Variants in HMX1 observed in about 807,000 individuals in gnomAD.
HMX1 encodes the protein homeobox protein HMX1.
HMX1 carries 8 observed loss-of-function variants against 8.9 expected under a neutral mutation model. That is an observed-to-expected ratio of 0.90 (90% CI 0.53 to 1.63). The LOEUF (loss-of-function observed/expected upper bound fraction) is 1.63, where lower values mean the gene tolerates loss of function less well. Among genes scored for constraint, HMX1 ranks in the 40% most tolerant of loss-of-function variants. The probability of loss-of-function intolerance (pLI) is 0.00; values close to 1 mark genes in which losing one functional copy is unlikely to be tolerated. For missense variants in HMX1, 621 were observed against 558.5 expected, an observed-to-expected ratio of 1.11 and a Z score of -1.13; for synonymous variants, 311 against 283.4, an observed-to-expected ratio of 1.10 and a Z score of -0.98.
In HMX1 at chr4:8,868,080, G is replaced by A. The variant is rs1722079264; in HGVS notation, c.660C>T (p.Ser220=). The change falls in exon 2 of 2, where the codon TCC becomes TCT. Residue 220 remains serine, a synonymous_variant. Transcript: ENST00000400677. The surrounding 1 kb of genome is among the most constrained non-coding windows in gnomAD (Gnocchi z 4.6). ...FSRSQVFQLE[S]TFDLKRYLSS... The stretch of plus-strand genomic sequence containing the variant: ...TCAGGTAGCGCTTCAGGTCGAAGGT[G>A]GATTCCAGCTGGAAGACCTGGCTGC... 6.5e-7 allele frequency: 1 copy of A among 1,531,162 alleles called. No individual in the cohort carries two copies. The highest frequency in any genetic ancestry group is 8.8e-7 in the Non-Finnish European group (1 of 1,141,856). The allele number at this position is 1,531,162 out of a possible 1,614,324, so 94.8% of individuals were successfully genotyped here. A position where few individuals can be genotyped will look rare whatever the true frequency, so the allele number is the denominator to read the frequency against.
At position 8,871,416 on chromosome 4, in the gene HMX1, G is replaced by A. The variant is rs1722216278; in HGVS notation, c.199C>T (p.Arg67Trp). 4 of 1,297,570 alleles carry A rather than the reference G, an allele frequency of 3.1e-6. No individual in the cohort carries two copies. The highest frequency in any genetic ancestry group is 4.0e-6 in the Non-Finnish European group (4 of 1,011,870). 80.4% of individuals were successfully genotyped at this position (1,297,570 alleles called of 1,614,324 possible). A position where few individuals can be genotyped will look rare whatever the true frequency, so the allele number is the denominator to read the frequency against. ...GTGCCCGCGAGCAACTGTCGCCGCC[G>A]CTGTAGCCGTCGCCGCCGCGCCTGC... is the stretch of plus-strand genomic sequence containing the variant. Reference protein sequence around the residue: ...AEQARRRRLQRRRQLLAGTGP... With the variant: ...AEQARRRRLQWRRQLLAGTGP... Residue 67 changes from arginine to tryptophan, a missense_variant, in exon 1 of 2, where the codon CGG (arginine) becomes TGG (tryptophan). Coordinates refer to ENST00000400677, the MANE Select transcript of HMX1 (RefSeq NM_018942.3). The surrounding 1 kb of genome is among the most constrained non-coding windows in gnomAD (Gnocchi z 4.8).
chr4:8,849,053 C>G lies in HMX1; in HGVS notation c.395-2729G>C, dbSNP rs748907568. Among the ~76,000 whole-genome samples, 2 of 152,106 alleles carry G rather than the reference C, an allele frequency of 1.3e-5. No homozygotes were observed. Among genetic ancestry groups the G allele is most frequent in the East Asian group, 2.0e-4 (1 of 5,124 alleles). ...GACCCGGCTGAGGGGGGTGGGCCTC[C>G]TCCCCCTGCCCGCTGCTCCATCGTG... On this transcript the variant is annotated intron_variant, in intron 1 of 1. Transcript: ENST00000506970. This position sits in a 1 kb window ranked among gnomAD's most constrained non-coding sequence, Gnocchi z 6.6.
intron 1 of HMX1, among the ~76,000 whole-genome samples, chr4:8,857,111 G>A (rs1461433665): frequency 6.6e-6 from 1 of 152,210 alleles, no homozygotes; most frequent in African/African-American, 2.4e-5. Context: ...GCTATCTCCA[G>A]GTAGTCGAAC....
At position 8,870,308 on chromosome 4, in the gene HMX1, T is replaced by C. The variant is rs1264342762; in HGVS notation, c.394+913A>G. Among the ~76,000 whole-genome samples the C allele has an allele frequency of 6.6e-6, 1 of 150,760 alleles. No individual in the cohort carries two copies. Among genetic ancestry groups the C allele is most frequent in the African/African-American group, 2.4e-5 (1 of 40,894 alleles). On this transcript the variant is annotated intron_variant, in intron 1 of 1. Transcript: ENST00000400677. The surrounding 1 kb of genome is among the most constrained non-coding windows in gnomAD (Gnocchi z 4.4). ...CCCAGGGGTCTTCCTAAAGGGCAGG[T>C]ACAAAAGGGAGGCAGCGACCCTGGA...
rs1577192883 is a variant in HMX1, at chr4:8,853,393, C to T, written c.395-7069G>A. 6.6e-6 allele frequency among the ~76,000 whole-genome samples: 1 copy of T among 152,294 alleles called. No homozygotes were observed. Among genetic ancestry groups the T allele is most frequent in the South Asian group, 2.1e-4 (1 of 4,822 alleles). On this transcript the variant is annotated intron_variant, in intron 1 of 1. Coordinates refer to the HMX1 transcript ENST00000506970. The surrounding 1 kb of genome is among the most constrained non-coding windows in gnomAD (Gnocchi z 4.7). ...GAGAGTTTGAGGGTCACCCAACTTC[C>T]TGATAAGTCAAAGATCTATCCAGAT...
In HMX1 at chr4:8,871,401, G is replaced by A; in HGVS notation, c.214C>T (p.Leu72Phe). Residue 72 changes from leucine to phenylalanine, a missense_variant, in exon 1 of 2, where the codon CTC (leucine) becomes TTC (phenylalanine). Transcript: ENST00000400677. The surrounding 1 kb of genome is among the most constrained non-coding windows in gnomAD (Gnocchi z 4.8). ...TCCCCGCCGGGCCCGGTGCCCGCGA[G>A]CAACTGTCGCCGCCGCTGTAGCCGT... Reference protein sequence around the residue: ...RRRLQRRRQLLAGTGPGGEAR... With the variant: ...RRRLQRRRQLFAGTGPGGEAR... The A allele has an allele frequency of 7.9e-7, 1 of 1,262,206 alleles. No homozygotes were observed. The highest frequency in any genetic ancestry group is 2.1e-5 in the South Asian group (1 of 46,856). The allele number at this position is 1,262,206 out of a possible 1,614,324, so 78.2% of individuals were successfully genotyped here.
intron 1 of HMX1, among the ~76,000 whole-genome samples, chr4:8,857,541 G>A (rs1030099083): frequency 5.3e-5 from 8 of 152,192 alleles, no homozygotes; most frequent in Admixed American, 2.6e-4. Context: ...AGTGACGGCT[G>A]ACCTAGAGCC....
intron 1 of HMX1, chr4:8,858,910 CGGT>C (rs542439487): frequency 8.5e-5 from 13 of 152,318 alleles, no homozygotes; most frequent in Admixed American, 3.9e-4. Flanking sequence ...CTTCGTCACG[CGGT>C]GGTGGTGGTG....
intron 1 of HMX1, among the ~76,000 whole-genome samples, chr4:8,859,405 G>C (rs1353331816): frequency 1.3e-5 from 2 of 152,162 alleles, no homozygotes; most frequent in Admixed American, 6.5e-5. Flanking sequence ...CCCAATCCCA[G>C]AAAAGGCCCG....
At chr4:8,858,520 C>G (rs1721688553) in intron 1 of HMX1, among the ~76,000 whole-genome samples, 1 of 152,168 alleles carries the variant, frequency 6.6e-6, no homozygotes, top group African/African-American at 2.4e-5. Context: ...CCTTTGAGTC[C>G]GGCAGGAGGC....
In HMX1 at chr4:8,853,715, G is replaced by A. The variant is rs2109456067; in HGVS notation, c.395-7391C>T. 6.6e-6 allele frequency among the ~76,000 whole-genome samples: 1 copy of A among 152,146 alleles called. No individual in the cohort carries two copies. Among genetic ancestry groups the A allele is most frequent in the South Asian group, 2.1e-4 (1 of 4,812 alleles). On this transcript the variant is annotated intron_variant, in intron 1 of 1. Coordinates refer to the HMX1 transcript ENST00000506970. The surrounding 1 kb of genome is among the most constrained non-coding windows in gnomAD (Gnocchi z 4.7). ...AAAAATACAGAAATTAGCTGGGTGT[G>A]GTGGTGGGCCCCTGTAATCTCAGCT...
chr4:8,851,703 A>G (rs1053811865), intron 1 of HMX1, among the ~76,000 whole-genome samples: 42 of 152,318 alleles, frequency 2.8e-4, no homozygotes, highest in African/African-American at 8.9e-4. Flanking sequence ...TGGGCCAGTC[A>G]CTGGGCCTCT....
downstream of HMX1, among the ~76,000 whole-genome samples, chr4:8,863,662 C>G (rs2109467836): frequency 6.6e-6 from 1 of 152,362 alleles, no homozygotes; most frequent in Non-Finnish European, 1.5e-5. Flanking sequence ...AGGGCACTGC[C>G]TGGGTACCTG....
Position 8,867,372 on chromosome 4 carries a change from G to C in HMX1, c.*321C>G, listed in dbSNP as rs928125959. On this transcript the variant is annotated 3_prime_UTR_variant, in exon 2 of 2. Coordinates refer to ENST00000400677, the MANE Select transcript of HMX1 (RefSeq NM_018942.3). ...GGCTTGGCCTGAGGGCAGCTGCCCC[G>C]GGTGGCCATGGCCGACCGCTCCTCG... 2.7e-5 allele frequency: 28 copies of C among 1,037,352 alleles called. No homozygotes were observed. The African/African-American group carries it at 3.9e-4, about 14-fold the overall frequency. The allele number at this position is 1,037,352 out of a possible 1,614,324, so 64.3% of individuals were successfully genotyped here. A position where few individuals can be genotyped will look rare whatever the true frequency, so the allele number is the denominator to read the frequency against.
At chr4:8,856,326 A>C (rs532728802) in intron 1 of HMX1, among the ~76,000 whole-genome samples, 24 of 152,340 alleles carry the variant, frequency 1.6e-4, no homozygotes, top group African/African-American at 5.5e-4. Context: ...AGAAGCAGAA[A>C]GAGCTGGCGG....
intron 1 of HMX1, among the ~76,000 whole-genome samples, chr4:8,857,397 G>A (rs769493980): frequency 1.5e-4 from 23 of 152,294 alleles, no homozygotes; most frequent in East Asian, 1.4e-3. Flanking sequence ...GGAGGCAGGA[G>A]GCGGGGTCTG....
At chr4:8,846,345 G>C in intron 1 of HMX1, 1 of 1,517,596 alleles carries the variant, frequency 6.6e-7, no homozygotes, top group South Asian at 1.2e-5. Flanking sequence ...GAAAAACCAG[G>C]TATTGGGAGC....
At chr4:8,856,114 G>T (rs1721601029) in intron 1 of HMX1, among the ~76,000 whole-genome samples, 1 of 152,216 alleles carries the variant, frequency 6.6e-6, no homozygotes, top group African/African-American at 2.4e-5. Context: ...CGCTGTGAGC[G>T]CTGGACCGTC....
chr4:8,870,926 C>CT lies in HMX1; in HGVS notation c.394+294dup, dbSNP rs937369380. Among the ~76,000 whole-genome samples the CT allele has an allele frequency of 6.6e-6, 1 of 151,846 alleles. No individual in the cohort carries two copies. Among genetic ancestry groups the CT allele is most frequent in the Non-Finnish European group, 1.5e-5 (1 of 67,938 alleles). ...CCTCTTTCACTCTCCTTTCTTTTTT[C>CT]TTTGGCCTCCTGTTGTCCCCTGTCC... is the stretch of plus-strand genomic sequence containing the variant. On this transcript the variant is annotated intron_variant, in intron 1 of 1. Coordinates refer to ENST00000400677, the MANE Select transcript of HMX1 (RefSeq NM_018942.3). The surrounding 1 kb of genome is among the most constrained non-coding windows in gnomAD (Gnocchi z 4.4).
Sources: allele counts gnomAD v4.1 joint callset (sites outside exome capture counted in the v4.1 genomes callset), GRCh38; gene constraint gnomAD v4.1.1; non-coding constraint Gnocchi (gnomAD v3.1); transcripts MANE v1.5; gene names NCBI Gene and HGNC (gene_info 2026-07-23, HGNC 2026-07-21).